Variants in NTN1 observed in about 807,000 individuals in gnomAD.
NTN1 encodes the protein netrin-1.
A neutral mutation model predicts 54.2 loss-of-function variants in NTN1; 11 were observed. The ratio of observed to expected loss-of-function variants is 0.20; its 90% CI spans 0.13 to 0.34. The LOEUF is 0.34. Ranked by LOEUF, NTN1 falls within the 10% of genes least tolerant of loss-of-function variation. The pLI is 1.00. For missense variants in NTN1, 740 were observed against 893.1 expected (o/e 0.83, Z 2.18); for synonymous variants, 371 against 382.0 (o/e 0.97, Z 0.33).
chr17:9,209,180 CACTACCACAT>C (rs1453815801), intron 5 of NTN1, among the ~76,000 whole-genome samples: 1 of 152,204 alleles, frequency 6.6e-6, no homozygotes, highest in Non-Finnish European at 1.5e-5. Flanking sequence ...TGACCATCAT[CACTACCACAT>C]TTTACTGATG....
intron 2 of NTN1, among the ~76,000 whole-genome samples, chr17:9,055,580 C>T (rs569918644): frequency 8.5e-5 from 13 of 152,234 alleles, no homozygotes; most frequent in South Asian, 6.2e-4. Context: ...CAAGAGAAGA[C>T]GTGAGGAGGT....
chr17:9,139,084 G>GTC (rs2092289857), intron 2 of NTN1, among the ~76,000 whole-genome samples: 1 of 152,162 alleles, frequency 6.6e-6, no homozygotes. Context: ...GGGGGACAGG[G>GTC]ACTAAGTAGG....
chr17:9,059,920 T>C lies in NTN1; in HGVS notation c.1018+36529T>C, dbSNP rs538627800. ...GGCCACGTATGGCTAAGTGAGCATG[T>C]TTCGGAGCACTGGGGCCCAGGGAGG... is the stretch of plus-strand genomic sequence containing the variant. On this transcript the variant is annotated intron_variant, in intron 2 of 6. Coordinates refer to ENST00000173229, the MANE Select transcript of NTN1 (RefSeq NM_004822.3). 3.4e-3 allele frequency among the ~76,000 whole-genome samples: 509 copies of C among 151,332 alleles called. 4 individuals carry two copies. Among genetic ancestry groups the C allele is most frequent in the Non-Finnish European group, 4.9e-3 (330 of 67,940 alleles).
At chr17:9,114,960 C>A (rs541197241) in intron 2 of NTN1, among the ~76,000 whole-genome samples, 3 of 152,272 alleles carry the variant, frequency 2.0e-5, no homozygotes, top group African/African-American at 7.2e-5. Context: ...ATTTCTAGAA[C>A]CTGACATGGT....
At chr17:9,158,755 C>T (rs1170524091) in intron 2 of NTN1, among the ~76,000 whole-genome samples, 3 of 152,170 alleles carry the variant, frequency 2.0e-5, no homozygotes, top group East Asian at 1.9e-4. Flanking sequence ...GCGTGACAGT[C>T]GTCTGCAGGA....
intron 2 of NTN1, among the ~76,000 whole-genome samples, chr17:9,036,885 A>C (rs2091905334): frequency 6.6e-6 from 1 of 151,956 alleles, no homozygotes; most frequent in Non-Finnish European, 1.5e-5. Flanking sequence ...TAACTGGAGG[A>C]CCTCACTTGG....
intron 6 of NTN1, among the ~76,000 whole-genome samples, chr17:9,231,297 G>GGGC (rs1555579615): frequency 2.0e-5 from 3 of 149,286 alleles, no homozygotes; most frequent in African/African-American, 4.9e-5. Flanking sequence ...GGGGTACCCG[G>GGGC]GGGGGGACCC....
intron 2 of NTN1, among the ~76,000 whole-genome samples, chr17:9,120,607 C>T (rs2092229092): frequency 6.6e-6 from 1 of 152,202 alleles, no homozygotes; most frequent in South Asian, 2.1e-4. Context: ...CTACATCTGG[C>T]TGCCTTTGGT....
At chr17:9,237,906 G>A (rs376280498) in intron 6 of NTN1, among the ~76,000 whole-genome samples, 5 of 152,168 alleles carry the variant, frequency 3.3e-5, no homozygotes, top group Non-Finnish European at 7.4e-5. Context: ...ACATGGAAAC[G>A]GTTGCCATGG....
chr17:9,052,186 G>T (rs2091962936), intron 2 of NTN1, among the ~76,000 whole-genome samples: 1 of 152,028 alleles, frequency 6.6e-6, no homozygotes, highest in Non-Finnish European at 1.5e-5. Context: ...GGTCAGGCTG[G>T]TCCCGAACTT....
chr17:9,056,954 C>T (rs987731011), intron 2 of NTN1, among the ~76,000 whole-genome samples: 1 of 152,134 alleles, frequency 6.6e-6, no homozygotes, highest in Non-Finnish European at 1.5e-5. Flanking sequence ...GTGTGCCCCC[C>T]GTCTCGTCCC....
intron 2 of NTN1, among the ~76,000 whole-genome samples, chr17:9,159,496 G>C (rs1304990553): frequency 6.6e-6 from 1 of 152,168 alleles, no homozygotes; most frequent in Middle Eastern, 3.2e-3. Flanking sequence ...GCAATTTGGT[G>C]CCAATGTTAA....
intron 2 of NTN1, among the ~76,000 whole-genome samples, chr17:9,023,985 T>C (rs1282644759): frequency 6.6e-6 from 1 of 152,286 alleles, no homozygotes; most frequent in African/African-American, 2.4e-5. Flanking sequence ...AGAAGAATGA[T>C]GTGATTTCAA....
the NTN1 span, among the ~76,000 whole-genome samples, chr17:9,014,202 A>G: frequency 6.6e-6 from 1 of 152,210 alleles, no homozygotes; most frequent in Non-Finnish European, 1.5e-5. Flanking sequence ...GGACAGTCAC[A>G]TCTCCTGAAA....
chr17:9,014,517 C>A, the NTN1 span, among the ~76,000 whole-genome samples: 1 of 152,292 alleles, frequency 6.6e-6, no homozygotes, highest in East Asian at 1.9e-4. Context: ...AAAATGGATG[C>A]TCAGATGGGC....
intron 2 of NTN1, among the ~76,000 whole-genome samples, chr17:9,057,031 T>A (rs1057131251): frequency 1.5e-4 from 23 of 152,272 alleles, no homozygotes; most frequent in African/African-American, 5.5e-4. Context: ...TCTTTCTCCA[T>A]GCAAAATCTT....
At chr17:9,101,895 G>A (rs1396886514) in intron 2 of NTN1, among the ~76,000 whole-genome samples, 1 of 152,228 alleles carries the variant, frequency 6.6e-6, no homozygotes, top group Non-Finnish European at 1.5e-5. Flanking sequence ...GGGAGGCTGA[G>A]GCAGGAAGAT....
chr17:9,136,709 A>T (rs1234913118), intron 2 of NTN1, among the ~76,000 whole-genome samples: 1 of 152,154 alleles, frequency 6.6e-6, no homozygotes, highest in Non-Finnish European at 1.5e-5. Flanking sequence ...TCCTTTTATT[A>T]TTTTTTTGAA....
At chr17:9,072,209 G>C (rs2092034172) in intron 2 of NTN1, among the ~76,000 whole-genome samples, 1 of 151,010 alleles carries the variant, frequency 6.6e-6, no homozygotes, top group South Asian at 2.1e-4. Context: ...CTTCACACCA[G>C]CCCCCTCCCG....
Sources: gnomAD v4.1 joint callset for allele counts (sites outside exome capture counted in the v4.1 genomes callset) on GRCh38, gnomAD v4.1.1 for gene constraint, MANE v1.5 for transcripts, NCBI Gene and HGNC (gene_info 2026-07-23, HGNC 2026-07-21) for gene names.